Variants in ARHGAP22 observed in about 807,000 individuals in gnomAD.
ARHGAP22 encodes the protein Rho GTPase activating protein 22, also known as rho GTPase-activating protein 22.
A neutral mutation model predicts 59.1 loss-of-function variants in ARHGAP22; 48 were observed. The observed-to-expected ratio is 0.81, with a 90% CI of 0.64 to 1.03. The LOEUF is 1.03. ARHGAP22 is among the 50% of genes least tolerant of loss of function. ARHGAP22 has a pLI of 0.00. For missense variants in ARHGAP22, 1,015 were observed against 958.7 expected (o/e 1.06, Z -0.78); for synonymous variants, 445 against 416.4 (o/e 1.07, Z -0.84).
chr10:48,568,671 C>T (rs183728505), intron 2 of ARHGAP22, among the ~76,000 whole-genome samples: 46 of 152,354 alleles, frequency 3.0e-4, no homozygotes, highest in Admixed American at 2.4e-3. Context: ...TGATGCTCAC[C>T]GTCTCCGCTG....
At chr10:48,537,431 TC>T (rs915607144) in intron 3 of ARHGAP22, among the ~76,000 whole-genome samples, 15 of 152,180 alleles carry the variant, frequency 9.9e-5, no homozygotes, top group African/African-American at 1.7e-4. Flanking sequence ...GTTGCTCCTG[TC>T]CCCACATGCT....
At chr10:48,603,617 G>A (rs756485673) in intron 1 of ARHGAP22, among the ~76,000 whole-genome samples, 2 of 152,228 alleles carry the variant, frequency 1.3e-5, no homozygotes, top group Admixed American at 6.5e-5. Context: ...TCTCGCAGAG[G>A]TATCTGGCTT....
At chr10:48,592,939 G>A (rs2059851216) in intron 1 of ARHGAP22, among the ~76,000 whole-genome samples, 1 of 152,378 alleles carries the variant, frequency 6.6e-6, no homozygotes, top group African/African-American at 2.4e-5. Context: ...GCAGGTTCCT[G>A]AGCTCGCTCA....
intron 8 of ARHGAP22, among the ~76,000 whole-genome samples, chr10:48,452,848 G>A (rs61838722): frequency 0.053 from 7,915 of 150,538 alleles, 253 homozygotes; most frequent in South Asian, 0.13. Flanking sequence ...TACTGAAAGC[G>A]GCTGCTGTTG....
At chr10:48,520,983 A>C (rs1731941974) in intron 3 of ARHGAP22, among the ~76,000 whole-genome samples, 1 of 152,182 alleles carries the variant, frequency 6.6e-6, no homozygotes, top group Non-Finnish European at 1.5e-5. Context: ...GAAGAAAATG[A>C]AATTTGCCAC....
At chr10:48,598,245 G>C (rs537589708) in intron 1 of ARHGAP22, among the ~76,000 whole-genome samples, 48 of 152,340 alleles carry the variant, frequency 3.2e-4, no homozygotes, top group Admixed American at 1.5e-3. Flanking sequence ...GTTGGTGGGG[G>C]AAGAGGCTTG....
intron 3 of ARHGAP22, among the ~76,000 whole-genome samples, chr10:48,533,828 G>C (rs990614207): frequency 5.9e-5 from 9 of 152,368 alleles, no homozygotes; most frequent in South Asian, 2.1e-4. Context: ...CATCTGGGAA[G>C]TAATTTCCTC....
chr10:48,452,167 C>A (rs746894522), intron 8 of ARHGAP22, among the ~76,000 whole-genome samples: 4 of 152,148 alleles, frequency 2.6e-5, no homozygotes, highest in African/African-American at 4.8e-5. Flanking sequence ...GGGGTGGGGG[C>A]CTGCAGCGGA....
rs376290093 is a variant in ARHGAP22 at position 48,479,613 on chromosome 10, G to A, written c.451+23C>T. 38 of 1,613,866 alleles carry A rather than the reference G, an allele frequency of 2.4e-5. No individual in the cohort carries two copies. The African/African-American group carries it at 3.3e-4, about 14-fold the overall frequency. ...CTGGAGGCAAGGGTTCTAGAGGGTGGGCATGCGATCTACGGGCAGTACCTC... is the reference window on the plus strand; with the variant it reads ...CTGGAGGCAAGGGTTCTAGAGGGTGAGCATGCGATCTACGGGCAGTACCTC... On this transcript the variant is annotated intron_variant, in intron 4 of 9. Coordinates refer to ENST00000249601, the MANE Select transcript of ARHGAP22 (RefSeq NM_021226.4).
In ARHGAP22 at chr10:48,449,036, G is replaced by T. The variant is rs529267921; in HGVS notation, c.1868+1225C>A. ...TCAAAGAGCCCTGCATCTCCCTTGA[G>T]AAACCAGGCCTCAGAGCAGGCCAGA... On this transcript the variant is annotated intron_variant, in intron 9 of 9. Transcript: ENST00000249601. Among the ~76,000 whole-genome samples, 29 of 152,322 alleles carry T rather than the reference G, an allele frequency of 1.9e-4. 1 individual carries two copies. The South Asian group carries it at 5.8e-3, about 30-fold the overall frequency.
At chr10:48,466,628 A>C (rs2377353) in intron 4 of ARHGAP22, 8 of 145,926 alleles carry the variant, frequency 5.5e-5, no homozygotes, top group African/African-American at 2.0e-4. Flanking sequence ...GCCGCGGGCA[A>C]GCGCTGCATC....
intron 3 of ARHGAP22, among the ~76,000 whole-genome samples, chr10:48,501,955 G>T (rs548261756): frequency 4.6e-5 from 7 of 152,284 alleles, no homozygotes; most frequent in African/African-American, 1.7e-4. Context: ...CTCAGGAGAG[G>T]CTCTGAAGTG....
At chr10:48,652,253 C>T (rs1047784908) in exon 1 of ARHGAP22, 19 of 1,535,644 alleles carry the variant, frequency 1.2e-5, no homozygotes, top group Admixed American at 9.8e-5. Context: ...TGGCTGCAAA[C>T]GTCCTCCTTT....
intron 2 of ARHGAP22, among the ~76,000 whole-genome samples, chr10:48,559,416 C>T (rs185902918): frequency 2.6e-5 from 4 of 152,288 alleles, no homozygotes; most frequent in East Asian, 1.9e-4. Context: ...GCATCTCTAG[C>T]GCCATACAAA....
intron 1 of ARHGAP22, among the ~76,000 whole-genome samples, chr10:48,636,188 C>T (rs1024982705): frequency 4.6e-5 from 7 of 152,180 alleles, no homozygotes; most frequent in African/African-American, 1.4e-4. Context: ...CATGGCTGCT[C>T]CTTCTTCCTC....
At chr10:48,638,073 C>A (rs1248604986) in intron 1 of ARHGAP22, among the ~76,000 whole-genome samples, 1 of 152,176 alleles carries the variant, frequency 6.6e-6, no homozygotes, top group Non-Finnish European at 1.5e-5. Flanking sequence ...CATCCACTAC[C>A]CCTCCTAGAG....
chr10:48,597,768 C>T (rs984559302), intron 1 of ARHGAP22, among the ~76,000 whole-genome samples: 5 of 152,098 alleles, frequency 3.3e-5, no homozygotes, highest in African/African-American at 7.2e-5. Context: ...AGCCTGGGAT[C>T]GGTAAAATCA....
At chr10:48,567,145 G>A (rs772729075) in intron 2 of ARHGAP22, among the ~76,000 whole-genome samples, 15 of 152,212 alleles carry the variant, frequency 9.9e-5, no homozygotes, top group Non-Finnish European at 2.1e-4. Context: ...CAAACAGGGT[G>A]CCTGTGACTT....
the ARHGAP22 span, among the ~76,000 whole-genome samples, chr10:48,433,369 G>C: frequency 2.6e-5 from 4 of 152,142 alleles, no homozygotes. Context: ...TTCAGTACAA[G>C]TCTTAGAAAC....
Sources: allele counts gnomAD v4.1 joint callset (sites outside exome capture counted in the v4.1 genomes callset), GRCh38; gene constraint gnomAD v4.1.1; transcripts MANE v1.5; gene names NCBI Gene and HGNC (gene_info 2026-07-23, HGNC 2026-07-21).